The following NRXN1 variants were observed in gnomAD, a reference collection of about 807,000 sequenced individuals.
NRXN1 encodes the protein neurexin-1.
In NRXN1, 39 loss-of-function variants were observed where a neutral mutation model predicts 150.9. That is an observed-to-expected ratio of 0.26 (90% CI 0.20 to 0.34). NRXN1 has a LOEUF of 0.34. Among genes scored for constraint, NRXN1 ranks in the 10% least tolerant of loss-of-function variants. NRXN1 has a pLI of 1.00. For synonymous variants in NRXN1, 924 were observed against 757.0 expected, an observed-to-expected ratio of 1.22 and a Z score of -3.62; for missense variants, 1,815 against 1,949.9, an observed-to-expected ratio of 0.93 and a Z score of 1.30.
intron 18 of NRXN1, among the ~76,000 whole-genome samples, chr2:50,188,284 A>T (rs1169154733): frequency 6.6e-6 from 1 of 152,170 alleles, no homozygotes; most frequent in African/African-American, 2.4e-5. Flanking sequence ...AGGATTCCCT[A>T]TTTAGTAAAT....
rs79375544 is a variant in NRXN1 at position 50,854,859 on chromosome 2, T to C, written c.832+67010A>G. Among the ~76,000 whole-genome samples the C allele has an allele frequency of 1.8e-3, 274 of 152,114 alleles. 3 individuals are homozygous for C. In the East Asian group the frequency reaches 0.05, roughly 28 times the overall value. On this transcript the variant is annotated intron_variant, in intron 5 of 22. Coordinates refer to ENST00000401669, the MANE Select transcript of NRXN1 (RefSeq NM_001330078.2). ...ATGTGGTTTCTCAACTACTATGTAGTGTAGGATGATGTACAGGAGTGGAAG... is the reference window on the plus strand; with the variant it reads ...ATGTGGTTTCTCAACTACTATGTAGCGTAGGATGATGTACAGGAGTGGAAG...
intron 5 of NRXN1, among the ~76,000 whole-genome samples, chr2:50,642,241 T>A (rs1003874904): frequency 7.9e-5 from 12 of 151,994 alleles, no homozygotes; most frequent in African/African-American, 2.9e-4. Context: ...AGGGATCCAG[T>A]TTACAAGATA....
chr2:50,997,142 A>C (rs918552349), intron 2 of NRXN1, among the ~76,000 whole-genome samples: 19 of 152,044 alleles, frequency 1.2e-4, no homozygotes, highest in Non-Finnish European at 2.2e-4. Context: ...GGAGGCTACC[A>C]GTGTGTAATC....
At chr2:50,311,006 T>C (rs1164960108) in intron 17 of NRXN1, among the ~76,000 whole-genome samples, 1 of 152,168 alleles carries the variant, frequency 6.6e-6, no homozygotes, top group East Asian at 1.9e-4. Flanking sequence ...TTTCCCTAGA[T>C]AATGGCAAAG....
intron 12 of NRXN1, among the ~76,000 whole-genome samples, chr2:50,514,995 C>G (rs972334330): frequency 5.3e-5 from 8 of 152,166 alleles, no homozygotes; most frequent in African/African-American, 1.9e-4. Flanking sequence ...CCCCACCCCC[C>G]AGGCCACAGA....
At chr2:50,511,595 T>C (rs1324812718) in intron 12 of NRXN1, among the ~76,000 whole-genome samples, 2 of 152,148 alleles carry the variant, frequency 1.3e-5, no homozygotes, top group African/African-American at 2.4e-5. Flanking sequence ...CAGTAAACAT[T>C]TCAGTTTTCC....
intron 18 of NRXN1, among the ~76,000 whole-genome samples, chr2:50,156,494 G>A (rs188195416): frequency 2.0e-5 from 3 of 151,680 alleles, no homozygotes; most frequent in South Asian, 2.1e-4. Flanking sequence ...TTTATCTTAC[G>A]GGTTACCTCA....
At chr2:50,788,898 G>A (rs894820572) in intron 5 of NRXN1, among the ~76,000 whole-genome samples, 1 of 152,120 alleles carries the variant, frequency 6.6e-6, no homozygotes, top group African/African-American at 2.4e-5. Flanking sequence ...GATCATGGAA[G>A]GTTTCTCAAT....
rs562291240 is a variant in NRXN1 at position 50,156,603 on chromosome 2, C to A, written c.3547-65109G>T. On this transcript the variant is annotated intron_variant, in intron 18 of 22. Coordinates refer to ENST00000401669, the MANE Select transcript of NRXN1 (RefSeq NM_001330078.2). ...GTTAAAATAACATTAAGGAGAAAAG[C>A]AGACAACCAAATAATAGCACAATTC... Among the ~76,000 whole-genome samples the A allele has an allele frequency of 7.6e-4, 116 of 151,722 alleles. 1 individual carries two copies. Among genetic ancestry groups the A allele is most frequent in the Admixed American group, 3.0e-3 (45 of 15,178 alleles).
intron 5 of NRXN1, among the ~76,000 whole-genome samples, chr2:50,680,344 C>G (rs1295216054): frequency 1.3e-5 from 2 of 151,858 alleles, no homozygotes; most frequent in African/African-American, 4.8e-5. Flanking sequence ...CTCAAGCATC[C>G]TACAGAGACC....
At chr2:50,940,041 T>C (rs898765935) in intron 2 of NRXN1, among the ~76,000 whole-genome samples, 3 of 152,220 alleles carry the variant, frequency 2.0e-5, no homozygotes, top group African/African-American at 7.2e-5. Context: ...TGACTTTAAA[T>C]AGAACAGACC....
chr2:50,928,585 A>T (rs1407260950), intron 2 of NRXN1, among the ~76,000 whole-genome samples: 1 of 152,014 alleles, frequency 6.6e-6, no homozygotes, highest in African/African-American at 2.4e-5. Flanking sequence ...GAGTCAAAAA[A>T]GAATAGTTTA....
chr2:50,574,449 T>C (rs1456650362), intron 8 of NRXN1, among the ~76,000 whole-genome samples: 4 of 152,138 alleles, frequency 2.6e-5, no homozygotes, highest in African/African-American at 7.2e-5. Flanking sequence ...CGGTTCAGCA[T>C]ATCTCTAATA....
chr2:50,434,345 G>A (rs1039593272), intron 17 of NRXN1, among the ~76,000 whole-genome samples: 1 of 151,936 alleles, frequency 6.6e-6, no homozygotes, highest in African/African-American at 2.4e-5. Flanking sequence ...GCCTCCCACA[G>A]TGCTGGGATT....
intron 2 of NRXN1, among the ~76,000 whole-genome samples, chr2:51,016,875 C>G (rs918083870): frequency 6.6e-6 from 1 of 152,186 alleles, no homozygotes; most frequent in Admixed American, 6.5e-5. Flanking sequence ...CAATGATAGA[C>G]TGGATAAAGA....
intron 17 of NRXN1, among the ~76,000 whole-genome samples, chr2:50,359,594 T>C (rs1347566050): frequency 6.6e-6 from 1 of 151,838 alleles, no homozygotes; most frequent in Non-Finnish European, 1.5e-5. Flanking sequence ...GCCTCCAAGA[T>C]ATATGGGATT....
In NRXN1 at chr2:50,953,890, G is replaced by A. The variant is rs369879228; in HGVS notation, c.773-27935C>T. Among the ~76,000 whole-genome samples, 8 of 152,092 alleles carry A rather than the reference G, an allele frequency of 5.3e-5. No homozygotes were observed. The South Asian group carries it at 8.3e-4, about 16-fold the overall frequency. On this transcript the variant is annotated intron_variant, in intron 2 of 22. Coordinates refer to ENST00000401669, the MANE Select transcript of NRXN1 (RefSeq NM_001330078.2). ...CTGACAAATATGAGTCACACCAATTGTCATTACATGGTATATTGTAGATAG... is the reference window on the plus strand; with the variant it reads ...CTGACAAATATGAGTCACACCAATTATCATTACATGGTATATTGTAGATAG...
chr2:50,040,395 CAT>C (rs1690752428), intron 21 of NRXN1, among the ~76,000 whole-genome samples: 1 of 151,064 alleles, frequency 6.6e-6, no homozygotes. Context: ...CACATACAGA[CAT>C]AATTCACAGG....
rs558482785 is a variant in NRXN1 at position 50,043,937 on chromosome 2, T to C, written c.4128+9334A>G. ...TCATCATGTGTGAATCTGTAGTGTC[T>C]AGAATAAGGCCTAGCATATGGAAGG... On this transcript the variant is annotated intron_variant, in intron 21 of 22. Coordinates refer to ENST00000401669, the MANE Select transcript of NRXN1 (RefSeq NM_001330078.2). Among the ~76,000 whole-genome samples, 325 of 151,690 alleles carry C rather than the reference T, an allele frequency of 2.1e-3. 1 individual carries two copies. Among genetic ancestry groups the C allele is most frequent in the Non-Finnish European group, 3.3e-3 (222 of 67,940 alleles).
Sources: gnomAD v4.1 joint callset for allele counts (sites outside exome capture counted in the v4.1 genomes callset) on GRCh38, gnomAD v4.1.1 for gene constraint, MANE v1.5 for transcripts, NCBI Gene and HGNC (gene_info 2026-07-23, HGNC 2026-07-21) for gene names.